The following KDR variants were observed in gnomAD, a reference collection of about 807,000 sequenced individuals.
KDR encodes the protein kinase insert domain receptor.
KDR carries 43 observed loss-of-function variants against 160.9 expected under a neutral mutation model. The observed-to-expected ratio is 0.27, with a 90% CI of 0.21 to 0.34. The LOEUF (loss-of-function observed/expected upper bound fraction) is 0.34, where lower values mean the gene tolerates loss of function less well. Among genes scored for constraint, KDR ranks in the 10% least tolerant of loss-of-function variants. The pLI is 1.00. For missense variants in KDR, 1,469 were observed against 1,666.4 expected (o/e 0.88, Z 2.06); for synonymous variants, 617 against 600.1 (o/e 1.03, Z -0.41).
At chr4:55,097,884 C>A (rs1720202525) in intron 17 of KDR, 118 bp from the exon 18 acceptor site, 1 of 830,402 alleles carries the variant, frequency 1.2e-6, no homozygotes, top group East Asian at 2.6e-5. Context: ...CATGGATAGT[C>A]CAGTTTACTC....
rs188022446 is a variant in KDR, at chr4:55,100,673, A to G, written c.2266+1224T>C. On this transcript the variant is annotated intron_variant, in intron 15 of 29. Coordinates refer to ENST00000263923, the MANE Select transcript of KDR (RefSeq NM_002253.4). ...AAATCTTTATTTGCAAGTGTAGTTT[A>G]TGAAATGCTAATAAGCTTATACATT... 3.4e-3 allele frequency among the ~76,000 whole-genome samples: 517 copies of G among 152,338 alleles called. 7 individuals are homozygous for G. Among genetic ancestry groups the G allele is most frequent in the Non-Finnish European group, 2.6e-3 (176 of 68,026 alleles).
At chr4:55,116,584 C>A (rs1720741159) in intron 3 of KDR, among the ~76,000 whole-genome samples, 1 of 152,110 alleles carries the variant, frequency 6.6e-6, no homozygotes, top group Non-Finnish European at 1.5e-5. Flanking sequence ...CCCAACACAT[C>A]CCATCAAGCA....
intron 1 of KDR, among the ~76,000 whole-genome samples, chr4:55,122,454 A>C (rs73147080): frequency 1.6e-3 from 238 of 152,340 alleles, no homozygotes; most frequent in African/African-American, 5.3e-3. Flanking sequence ...GGCAAATAAG[A>C]GAGTATGAAC....
Position 55,088,949 on chromosome 4 carries a change from C to T in KDR, c.3429G>A (p.Trp1143Ter). 1 of 1,613,812 alleles carries T rather than the reference C, an allele frequency of 6.2e-7. No homozygotes were observed. Among genetic ancestry groups the T allele is most frequent in the Non-Finnish European group, 8.5e-7 (1 of 1,179,710 alleles). Residue 1143 changes from tryptophan to a stop codon, truncating the protein, a stop_gained, in exon 26 of 30, where the codon TGG becomes TGA. Coordinates refer to ENST00000263923, the MANE Select transcript of KDR (RefSeq NM_002253.4). LOFTEE classifies it high-confidence loss of function. ...PEMYQTMLDC[W>*]HGEPSQRPTF... The stretch of plus-strand genomic sequence containing the variant: ...TGGGTCTCTGACTGGGCTCCCCGTG[C>T]CAGCAGTCCAGCATGGTCTGGTACC...
Position 55,102,024 on chromosome 4 carries a change from A to G in KDR, c.2139T>C (p.Ile713=), listed in dbSNP as rs1172476783. ...DNETLVEDSG[I]VLKDGNRNLT... ...GGTTCCGGTTCCCATCCTTCAATAC[A>G]ATGCCTAACAGAGGAAGAAAACGAT... Residue 713 remains isoleucine (I), a synonymous_variant, in exon 15 of 30, where the codon ATT becomes ATC. Coordinates refer to ENST00000263923, the MANE Select transcript of KDR (RefSeq NM_002253.4). The G allele has an allele frequency of 3.7e-6, 6 of 1,613,476 alleles. No individual in the cohort carries two copies. The highest frequency in any genetic ancestry group is 1.3e-5 in the African/African-American group (1 of 74,874).
intron 11 of KDR, among the ~76,000 whole-genome samples, chr4:55,106,150 T>C (rs1453912300): frequency 6.6e-6 from 1 of 152,150 alleles, no homozygotes; most frequent in Non-Finnish European, 1.5e-5. Flanking sequence ...TTTGGATTTT[T>C]TTTTTTGGAT....
intron 1 of KDR, among the ~76,000 whole-genome samples, chr4:55,123,717 A>C (rs1308945808): frequency 1.3e-5 from 2 of 152,222 alleles, no homozygotes; most frequent in East Asian, 3.8e-4. Context: ...GCTACTACTC[A>C]ATAAAAAGCC....
At chr4:55,123,062 C>T (rs1720935561) in intron 1 of KDR, 1 of 152,184 alleles carries the variant, frequency 6.6e-6, no homozygotes, top group Non-Finnish European at 1.5e-5. Context: ...TGAGCCACTG[C>T]ACCCAGCCTG....
chr4:55,099,145 A>T (rs1422607507), intron 15 of KDR, among the ~76,000 whole-genome samples: 1 of 151,958 alleles, frequency 6.6e-6, no homozygotes, highest in Non-Finnish European at 1.5e-5. Flanking sequence ...CCTCCCGAGT[A>T]GCTGGGACTA....
intron 6 of KDR, among the ~76,000 whole-genome samples, chr4:55,113,722 T>C (rs1305636174): frequency 2.0e-5 from 3 of 152,180 alleles, no homozygotes; most frequent in Non-Finnish European, 4.4e-5. Flanking sequence ...GGATATAAAC[T>C]GCAGAAACAC....
chr4:55,107,457 C>T (rs1031730545), intron 10 of KDR, among the ~76,000 whole-genome samples: 1 of 152,134 alleles, frequency 6.6e-6, no homozygotes, highest in Non-Finnish European at 1.5e-5. Flanking sequence ...AAACCAAAGA[C>T]TGGCAATTAG....
At chr4:55,082,836 A>G (rs977711852) in intron 27 of KDR, among the ~76,000 whole-genome samples, 17 of 152,206 alleles carry the variant, frequency 1.1e-4, no homozygotes, top group Admixed American at 1.1e-3. Flanking sequence ...AAAGTATAAT[A>G]TAACTGAGGA....
At chr4:55,082,715 C>A (rs1232364918) in intron 27 of KDR, 80 bp from the exon 28 acceptor site, 2 of 1,024,328 alleles carry the variant, frequency 2.0e-6, no homozygotes, top group African/African-American at 3.2e-5. Flanking sequence ...TATCTTTCAA[C>A]CACAAACTTA....
chr4:55,111,201 A>G (rs1239420498), intron 7 of KDR, among the ~76,000 whole-genome samples: 6 of 152,180 alleles, frequency 3.9e-5, no homozygotes. Flanking sequence ...GGTTTAAAGT[A>G]TCATTCACGT....
chr4:55,094,735 A>G, intron 21 of KDR, 67 bp downstream of exon 21: 1 of 1,446,968 alleles, frequency 6.9e-7, no homozygotes, highest in South Asian at 1.1e-5. Context: ...AATTCCTTGT[A>G]ACACCCTATC....
At chr4:55,097,804 G>C in intron 17 of KDR, 38 bp from the exon 18 acceptor site, 1 of 1,414,922 alleles carries the variant, frequency 7.1e-7, no homozygotes, top group Non-Finnish European at 1.0e-6. Flanking sequence ...AAACAGACTT[G>C]GATTACTATA....
chr4:55,092,731 G>A lies in KDR; in HGVS notation c.2972-17C>T, dbSNP rs1464309175. The A allele has an allele frequency of 1.8e-5, 28 of 1,521,982 alleles. No individual in the cohort carries two copies. The highest frequency in any genetic ancestry group is 2.5e-5 in the Non-Finnish European group (27 of 1,096,048). 94.3% of individuals were successfully genotyped at this position (1,521,982 alleles called of 1,614,324 possible). A position where few individuals can be genotyped will look rare whatever the true frequency, so the allele number is the denominator to read the frequency against. ...CTTCAGGAGCTGTCCAAAGAGGCAG[G>A]AGGATGGAGATCAGTATTTCCATGA... On this transcript the variant is annotated splice_polypyrimidine_tract_variant and intron_variant, in intron 21 of 29. Coordinates refer to ENST00000263923, the MANE Select transcript of KDR (RefSeq NM_002253.4).
At chr4:55,120,302 T>C (rs901996207) in intron 2 of KDR, among the ~76,000 whole-genome samples, 3 of 152,194 alleles carry the variant, frequency 2.0e-5, no homozygotes, top group Non-Finnish European at 2.9e-5. Flanking sequence ...CCTCCACTTG[T>C]CACAGTCTCT....
intron 5 of KDR, 68 bp from the exon 6 acceptor site, chr4:55,114,333 A>G: frequency 3.9e-6 from 6 of 1,542,016 alleles, no homozygotes; most frequent in East Asian, 2.3e-5. Context: ...GCACAGATTT[A>G]TTTTTTAAAG....
Sources: allele counts gnomAD v4.1 joint callset (sites outside exome capture counted in the v4.1 genomes callset), GRCh38; gene constraint gnomAD v4.1.1; transcripts MANE v1.5; gene names NCBI Gene and HGNC (gene_info 2026-07-23, HGNC 2026-07-21).